The following PRKN variants were observed in gnomAD, a reference collection of about 807,000 sequenced individuals.
The protein encoded by PRKN is parkin RBR E3 ubiquitin protein ligase, also known as E3 ubiquitin-protein ligase parkin.
PRKN carries 56 observed loss-of-function variants against 59.5 expected under a neutral mutation model. The observed-to-expected ratio is 0.94, with a 90% CI of 0.76 to 1.18. The LOEUF is 1.18. PRKN is among the 50% of genes most tolerant of loss of function. PRKN has a pLI of 0.00. For synonymous variants in PRKN, 250 were observed against 222.1 expected (o/e 1.13, Z -1.12); for missense variants, 657 against 596.4 (o/e 1.10, Z -1.06).
intron 3 of PRKN, among the ~76,000 whole-genome samples, chr6:162,244,325 C>A (rs562143069): frequency 6.6e-6 from 1 of 151,514 alleles, no homozygotes; most frequent in Non-Finnish European, 1.5e-5. Flanking sequence ...TATTAAAGTA[C>A]AGAGATGGAG....
chr6:162,438,330 G>C (rs929956116), intron 2 of PRKN, among the ~76,000 whole-genome samples: 2 of 152,060 alleles, frequency 1.3e-5, no homozygotes, highest in Non-Finnish European at 2.9e-5. Flanking sequence ...GAAAACTCAA[G>C]AGGAGAAAAA....
intron 6 of PRKN, among the ~76,000 whole-genome samples, chr6:161,908,575 T>C (rs1219885210): frequency 2.7e-5 from 4 of 145,756 alleles, no homozygotes; most frequent in Non-Finnish European, 6.0e-5. Context: ...TTTTTCTGCC[T>C]GAAGTGATTA....
chr6:162,171,373 G>A (rs1465737641), intron 4 of PRKN, among the ~76,000 whole-genome samples: 2 of 152,174 alleles, frequency 1.3e-5, no homozygotes, highest in African/African-American at 4.8e-5. Context: ...GTAAGAGTGT[G>A]AGTGATGAGC....
intron 1 of PRKN, among the ~76,000 whole-genome samples, chr6:162,622,113 T>TTA (rs1370319869): frequency 1.9e-4 from 28 of 150,256 alleles, no homozygotes; most frequent in African/African-American, 6.8e-4. Flanking sequence ...GCACCCAGCC[T>TTA]AATCTTCACT....
At chr6:161,621,708 T>C (rs1782906346) in intron 7 of PRKN, among the ~76,000 whole-genome samples, 2 of 152,122 alleles carry the variant, frequency 1.3e-5, no homozygotes, top group South Asian at 4.1e-4. Flanking sequence ...AGTCGACACC[T>C]AAAATTAACC....
At chr6:161,715,281 A>G (rs114910494) in intron 7 of PRKN, among the ~76,000 whole-genome samples, 2,481 of 152,298 alleles carry the variant, frequency 0.016, 76 homozygotes, top group African/African-American at 0.057. Flanking sequence ...GAATCAGAGA[A>G]TGGCAGGACT....
rs10682757 is a variant in PRKN, at chr6:161,957,436, G to GTTTTTTTT, written c.734+15865_734+15866insAAAAAAAA. ...TTTTTTTTTGTTTGTTTGTTTGTTT[G>GTTTTTTTT]TTTTTTTGAGCCAGAGTCTCACTCT... On this transcript the variant is annotated intron_variant, in intron 6 of 11. Transcript: ENST00000366898. 7.7e-5 allele frequency among the ~76,000 whole-genome samples: 9 copies of GTTTTTTTT among 116,714 alleles called. No individual in the cohort carries two copies. The East Asian group carries it at 1.8e-3, about 24-fold the overall frequency. 76.6% of individuals were successfully genotyped at this position (116,714 alleles called of 152,430 possible).
intron 9 of PRKN, among the ~76,000 whole-genome samples, chr6:161,474,587 T>C (rs2115208338): frequency 6.6e-6 from 1 of 152,130 alleles, no homozygotes; most frequent in East Asian, 1.9e-4. Flanking sequence ...ACCAACTATG[T>C]TCACCATTAC....
At chr6:161,665,235 A>C (rs1321531180) in intron 7 of PRKN, among the ~76,000 whole-genome samples, 1 of 152,052 alleles carries the variant, frequency 6.6e-6, no homozygotes, top group Admixed American at 6.6e-5. Context: ...ATGTTCCTAA[A>C]TCTGGGATAT....
rs978024594 is a variant in PRKN, at chr6:161,378,869, C to A, written c.1167+7925G>T. The stretch of plus-strand genomic sequence containing the variant: ...AGGAATCAAGGGGTGGAAGTAGGGA[C>A]GGCCCCACTTCTCACTCCCAGTGGT... On this transcript the variant is annotated intron_variant, in intron 10 of 11. Coordinates refer to ENST00000366898, the MANE Select transcript of PRKN (RefSeq NM_004562.3). This position sits in a 1 kb window ranked among gnomAD's most constrained non-coding sequence, Gnocchi z 7.3. Among the ~76,000 whole-genome samples, 1 of 152,174 alleles carries A rather than the reference C, an allele frequency of 6.6e-6. No homozygotes were observed. The highest frequency in any genetic ancestry group is 2.4e-5 in the African/African-American group (1 of 41,444).
chr6:162,164,903 T>A (rs1017428984), intron 4 of PRKN, among the ~76,000 whole-genome samples: 1 of 148,976 alleles, frequency 6.7e-6, no homozygotes, highest in South Asian at 2.1e-4. Flanking sequence ...GAATGTACAA[T>A]TACTCTGGAA....
At chr6:161,948,416 G>A (rs533589652) in intron 6 of PRKN, among the ~76,000 whole-genome samples, 17 of 152,186 alleles carry the variant, frequency 1.1e-4, no homozygotes, top group Non-Finnish European at 2.2e-4. Context: ...GTTAAGTGCT[G>A]GGGATACAGA....
At chr6:161,636,036 C>T (rs1256385842) in intron 7 of PRKN, among the ~76,000 whole-genome samples, 1 of 152,174 alleles carries the variant, frequency 6.6e-6, no homozygotes, top group Non-Finnish European at 1.5e-5. Flanking sequence ...CAGTCCTCTC[C>T]ATCCTGGTGC....
At chr6:162,449,211 A>G (rs562517212) in intron 1 of PRKN, among the ~76,000 whole-genome samples, 2 of 152,194 alleles carry the variant, frequency 1.3e-5, no homozygotes, top group East Asian at 1.9e-4. Flanking sequence ...AGATAATTGC[A>G]TCTACTAGCA....
chr6:162,713,508 A>AAAG (rs1293567433), intron 1 of PRKN, among the ~76,000 whole-genome samples: 1 of 151,538 alleles, frequency 6.6e-6, no homozygotes, highest in East Asian at 1.9e-4. Flanking sequence ...AAAAAAAAAA[A>AAAG]AAAAAAATTA....
chr6:161,501,928 A>C (rs935497535), intron 9 of PRKN, among the ~76,000 whole-genome samples: 1 of 152,192 alleles, frequency 6.6e-6, no homozygotes, highest in Non-Finnish European at 1.5e-5. Context: ...TACGTTTCTA[A>C]GATGCGGCTG....
intron 7 of PRKN, among the ~76,000 whole-genome samples, chr6:161,606,826 A>G (rs1253340530): frequency 2.6e-5 from 4 of 152,192 alleles, no homozygotes; most frequent in Admixed American, 2.6e-4. Flanking sequence ...GAGCAGTAAG[A>G]TGACAGCATC....
chr6:161,434,671 A>G (rs989965926), intron 9 of PRKN, among the ~76,000 whole-genome samples: 2 of 152,186 alleles, frequency 1.3e-5, no homozygotes, highest in African/African-American at 4.8e-5. Context: ...CATTTGTAAA[A>G]TGAGGATTTA....
At chr6:162,471,270 G>T (rs1181067225) in intron 1 of PRKN, among the ~76,000 whole-genome samples, 1 of 151,266 alleles carries the variant, frequency 6.6e-6, no homozygotes, top group African/African-American at 2.4e-5. Flanking sequence ...GCTAATTTTT[G>T]TATTTTTAGT....
Sources: allele counts gnomAD v4.1 joint callset (sites outside exome capture counted in the v4.1 genomes callset), GRCh38; gene constraint gnomAD v4.1.1; non-coding constraint Gnocchi (gnomAD v3.1); transcripts MANE v1.5; gene names NCBI Gene and HGNC (gene_info 2026-07-23, HGNC 2026-07-21).